Variants in WWC1 observed in about 807,000 individuals in gnomAD.
The protein encoded by WWC1 is protein KIBRA.
Under a neutral mutation model 138.4 loss-of-function variants are expected in WWC1, and 55 were observed. The ratio of observed to expected loss-of-function variants is 0.40; its 90% CI spans 0.32 to 0.50. The LOEUF is 0.50. Ranked by LOEUF, WWC1 falls within the 20% of genes least tolerant of loss-of-function variation. The pLI, the probability that WWC1 is intolerant of heterozygous loss-of-function variation, is 0.72. For synonymous variants in WWC1, 524 were observed against 564.9 expected, an observed-to-expected ratio of 0.93 and a Z score of 1.03; for missense variants, 1,226 against 1,420.4, an observed-to-expected ratio of 0.86 and a Z score of 2.20.
chr5:168,299,616 C>T (rs1646966338), intron 1 of WWC1, among the ~76,000 whole-genome samples: 1 of 152,180 alleles, frequency 6.6e-6, no homozygotes. Flanking sequence ...CCAAACTGAC[C>T]CAATTTTCCA....
intron 13 of WWC1, 108 bp from the exon 14 acceptor site, chr5:168,430,029 G>A: frequency 1.3e-6 from 1 of 787,576 alleles, no homozygotes; most frequent in Non-Finnish European, 2.1e-6. Flanking sequence ...GCTCACCATA[G>A]GCCCCAGGGC....
chr5:168,425,090 G>A (rs1272993907), intron 11 of WWC1, among the ~76,000 whole-genome samples: 2 of 152,200 alleles, frequency 1.3e-5, no homozygotes, highest in Non-Finnish European at 2.9e-5. Context: ...TTTCACTGGT[G>A]AGGAATTGGA....
intron 1 of WWC1, among the ~76,000 whole-genome samples, chr5:168,324,253 G>A (rs183306687): frequency 6.6e-6 from 1 of 152,236 alleles, no homozygotes; most frequent in Admixed American, 6.5e-5. Flanking sequence ...GACCAACATG[G>A]GGAAACCCTG....
At chr5:168,328,936 C>G (rs1379157592) in intron 1 of WWC1, among the ~76,000 whole-genome samples, 2 of 152,200 alleles carry the variant, frequency 1.3e-5, no homozygotes, top group Non-Finnish European at 2.9e-5. Flanking sequence ...TCAGTCAGCA[C>G]AGCTGGCATC....
rs1380912057 is a variant in WWC1, at chr5:168,334,850, C to G, written c.120-36574C>G. Among the ~76,000 whole-genome samples, 3 of 152,248 alleles carry G rather than the reference C, an allele frequency of 2.0e-5. No individual in the cohort carries two copies. The East Asian group carries it at 5.8e-4, about 29-fold the overall frequency. On this transcript the variant is annotated intron_variant, in intron 1 of 22. Transcript: ENST00000265293. ...AGGATGTGACTGAGCGCCTGAGCGCCTGGAGCCCAGCTGAAGAAGCTGATT... is the reference window on the plus strand; with the variant it reads ...AGGATGTGACTGAGCGCCTGAGCGCGTGGAGCCCAGCTGAAGAAGCTGATT...
chr5:168,424,588 T>TCA (rs1781365258), intron 11 of WWC1, among the ~76,000 whole-genome samples: 2 of 152,110 alleles, frequency 1.3e-5, no homozygotes, highest in Non-Finnish European at 2.9e-5. Context: ...AAGATGACAT[T>TCA]TGAGGGTGTC....
At chr5:168,316,264 A>G (rs927178347) in intron 1 of WWC1, among the ~76,000 whole-genome samples, 1 of 152,234 alleles carries the variant, frequency 6.6e-6, no homozygotes, top group Non-Finnish European at 1.5e-5. Flanking sequence ...GGCTGTCTTC[A>G]TCGCATCAGT....
chr5:168,461,066 C>T (rs374679350), intron 20 of WWC1, among the ~76,000 whole-genome samples: 4 of 152,336 alleles, frequency 2.6e-5, no homozygotes, highest in African/African-American at 7.2e-5. Context: ...CCGTGGCTCA[C>T]ACCTGTAATC....
intron 2 of WWC1, among the ~76,000 whole-genome samples, chr5:168,381,641 T>C (rs1777640480): frequency 6.6e-6 from 1 of 152,068 alleles, no homozygotes; most frequent in Admixed American, 6.6e-5. Context: ...CCAGGGGCTC[T>C]CAGCTATATC....
At chr5:168,455,560 A>G (rs1756242855) in intron 19 of WWC1, 40 bp downstream of exon 19, 2 of 1,592,852 alleles carry the variant, frequency 1.3e-6, no homozygotes, top group Non-Finnish European at 1.7e-6. Flanking sequence ...CCCTCAGGGT[A>G]GCCGAGAGCT....
intron 15 of WWC1, among the ~76,000 whole-genome samples, chr5:168,440,674 C>T (rs766918779): frequency 2.0e-5 from 3 of 152,160 alleles, no homozygotes; most frequent in Non-Finnish European, 4.4e-5. Context: ...TACGCCACCA[C>T]GCTCGGCTAA....
intron 9 of WWC1, among the ~76,000 whole-genome samples, chr5:168,417,650 G>A (rs945270770): frequency 6.6e-6 from 1 of 152,212 alleles, no homozygotes; most frequent in South Asian, 2.1e-4. Context: ...TCAAAGGTCT[G>A]CTGGCTCCTC....
intron 5 of WWC1, among the ~76,000 whole-genome samples, chr5:168,400,314 T>G (rs1231154486): frequency 6.6e-6 from 1 of 152,192 alleles, no homozygotes; most frequent in Non-Finnish European, 1.5e-5. Flanking sequence ...TTATTCTTCC[T>G]GATCCTCTCC....
chr5:168,357,448 CTGTGTGTGTGTGTGTGTGTG>C (rs67198550), intron 1 of WWC1, among the ~76,000 whole-genome samples: 2 of 134,472 alleles, frequency 1.5e-5, no homozygotes, highest in African/African-American at 2.9e-5. Flanking sequence ...AACCTGCCTT[CTGTGTGTGTGTGTGTGTGTG>C]TGTGTGTGTG....
chr5:168,371,065 C>T (rs1291201832), intron 1 of WWC1, among the ~76,000 whole-genome samples: 2 of 152,176 alleles, frequency 1.3e-5, no homozygotes, highest in Non-Finnish European at 2.9e-5. Flanking sequence ...GGGCTGGAGT[C>T]CAACTCAAGA....
At chr5:168,315,176 T>A (rs1194737993) in intron 1 of WWC1, among the ~76,000 whole-genome samples, 1 of 39,234 alleles carries the variant, frequency 2.5e-5, no homozygotes, top group Non-Finnish European at 7.9e-5. Context: ...CACAAATAAC[T>A]TTTTTTTTTT....
At chr5:168,381,885 A>G (rs1330267009) in intron 2 of WWC1, among the ~76,000 whole-genome samples, 2 of 151,048 alleles carry the variant, frequency 1.3e-5, no homozygotes, top group Non-Finnish European at 3.0e-5. Flanking sequence ...GGGGGGAGGC[A>G]CTCATGTATG....
intron 5 of WWC1, among the ~76,000 whole-genome samples, chr5:168,404,671 C>G (rs1210876077): frequency 6.6e-6 from 1 of 152,174 alleles, no homozygotes; most frequent in African/African-American, 2.4e-5. Context: ...AGTTTCTCAT[C>G]CTGAAATAAT....
At chr5:168,457,205 C>T (rs920033021) in intron 19 of WWC1, among the ~76,000 whole-genome samples, 1 of 149,864 alleles carries the variant, frequency 6.7e-6, no homozygotes, top group South Asian at 2.1e-4. Context: ...CTAGTTGGCC[C>T]ACTTCAGCTC....
Sources: gnomAD v4.1 joint callset for allele counts (sites outside exome capture counted in the v4.1 genomes callset) on GRCh38, gnomAD v4.1.1 for gene constraint, MANE v1.5 for transcripts, NCBI Gene and HGNC (gene_info 2026-07-23, HGNC 2026-07-21) for gene names.